CRY1: variants seen among roughly 807,000 people sequenced by gnomAD.
CRY1 encodes cryptochrome circadian regulator 1.
A neutral mutation model predicts 76.0 loss-of-function variants in CRY1; 45 were observed. That is an observed-to-expected ratio of 0.59 (90% CI 0.47 to 0.76). The LOEUF (loss-of-function observed/expected upper bound fraction) is 0.76, where lower values mean the gene tolerates loss of function less well. Among genes scored for constraint, CRY1 ranks in the 30% least tolerant of loss-of-function variants. The pLI, the probability that CRY1 is intolerant of heterozygous loss-of-function variation, is 0.00. For synonymous variants in CRY1, 248 were observed against 244.0 expected, an observed-to-expected ratio of 1.02 and a Z score of -0.15; for missense variants, 587 against 716.4, an observed-to-expected ratio of 0.82 and a Z score of 2.06.
intron 1 of CRY1, among the ~76,000 whole-genome samples, chr12:107,052,500 A>G (rs1952934904): frequency 6.6e-6 from 1 of 152,224 alleles, no homozygotes; most frequent in South Asian, 2.1e-4. Flanking sequence ...AAGACAGAAT[A>G]ATACAAAAAC....
intron 1 of CRY1, chr12:107,049,915 C>T (rs539519906): frequency 1.3e-5 from 2 of 152,162 alleles, no homozygotes; most frequent in East Asian, 3.9e-4. Context: ...GGAATTTAAG[C>T]TAGACATCTG....
chr12:107,022,803 G>A lies in CRY1; in HGVS notation c.159-611C>T, dbSNP rs142876027. ...CTAATAAGTAGATGCCAAATTATGT[G>A]GTTATTAATTCCCTGAGTGTAGAAA... On this transcript the variant is annotated intron_variant, in intron 1 of 12. Transcript: ENST00000008527. Among the ~76,000 whole-genome samples the A allele has an allele frequency of 1.9e-3, 285 of 150,776 alleles. 4 individuals are homozygous for A. Among genetic ancestry groups the A allele is most frequent in the African/African-American group, 6.7e-3 (276 of 41,044 alleles).
chr12:107,027,508 C>T (rs1952629769), intron 1 of CRY1, among the ~76,000 whole-genome samples: 2 of 152,104 alleles, frequency 1.3e-5, no homozygotes, highest in Admixed American at 1.3e-4. Flanking sequence ...GTACTGCCTA[C>T]ATAGAAGCAC....
chr12:107,082,530 A>T (rs780997769), intron 1 of CRY1, among the ~76,000 whole-genome samples: 1 of 152,238 alleles, frequency 6.6e-6, no homozygotes, highest in Non-Finnish European at 1.5e-5. Context: ...CGAATTCAGG[A>T]TTAAGAAACT....
At position 107,004,331 on chromosome 12, in the gene CRY1, T is replaced by C. The variant is rs558650715; in HGVS notation, c.410+775A>G. ...AAATGTGAAATCAAATCAACTAGTT[T>C]GTCATGTTACAGAATTTGTTTTACT... On this transcript the variant is annotated intron_variant, in intron 3 of 12. Coordinates refer to ENST00000008527, the MANE Select transcript of CRY1 (RefSeq NM_004075.5). 5.9e-5 allele frequency among the ~76,000 whole-genome samples: 9 copies of C among 152,306 alleles called. No homozygotes were observed. The East Asian group carries it at 1.7e-3, about 29-fold the overall frequency.
intron 1 of CRY1, among the ~76,000 whole-genome samples, chr12:107,032,747 TA>T (rs1156294298): frequency 6.6e-6 from 1 of 152,224 alleles, no homozygotes. Context: ...AAGTCAAGGC[TA>T]CAGTGAGCTG....
intron 1 of CRY1, among the ~76,000 whole-genome samples, chr12:107,066,934 C>A (rs1052549252): frequency 6.6e-6 from 1 of 151,670 alleles, no homozygotes; most frequent in Non-Finnish European, 1.5e-5. Flanking sequence ...TGAGTAGCTG[C>A]GACTACAAGC....
intron 2 of CRY1, 37 bp from the exon 3 acceptor site, chr12:107,005,285 G>C (rs1952360235): frequency 1.9e-6 from 3 of 1,543,562 alleles, no homozygotes; most frequent in Non-Finnish European, 2.6e-6. Flanking sequence ...TACACCAATT[G>C]TAATAGTTAT....
intron 1 of CRY1, among the ~76,000 whole-genome samples, chr12:107,023,016 C>T (rs1228255371): frequency 6.6e-6 from 1 of 152,024 alleles, no homozygotes; most frequent in Non-Finnish European, 1.5e-5. Flanking sequence ...TGGAACATTC[C>T]CAAGAACAAA....
At chr12:107,084,402 G>C (rs1248773274) in intron 1 of CRY1, among the ~76,000 whole-genome samples, 1 of 152,100 alleles carries the variant, frequency 6.6e-6, no homozygotes, top group African/African-American at 2.4e-5. Flanking sequence ...GAACAAAGCT[G>C]GAAGCATCAT....
At chr12:107,068,817 G>A (rs1953143562) in intron 1 of CRY1, among the ~76,000 whole-genome samples, 5 of 152,108 alleles carry the variant, frequency 3.3e-5, no homozygotes, top group Admixed American at 3.3e-4. Context: ...TGTTCTGGAT[G>A]TTTCATATAA....
At chr12:107,005,702 T>C (rs1039443088) in intron 2 of CRY1, among the ~76,000 whole-genome samples, 1 of 152,166 alleles carries the variant, frequency 6.6e-6, no homozygotes, top group Non-Finnish European at 1.5e-5. Flanking sequence ...GTCTAAGAAC[T>C]GGTCTTTAAC....
chr12:107,030,299 A>G (rs1164760070), intron 1 of CRY1, among the ~76,000 whole-genome samples: 1 of 152,206 alleles, frequency 6.6e-6, no homozygotes, highest in Non-Finnish European at 1.5e-5. Flanking sequence ...CATTTTAAAA[A>G]TGATGGAATC....
chr12:107,087,820 G>A (rs1953420991), intron 1 of CRY1, among the ~76,000 whole-genome samples: 1 of 152,120 alleles, frequency 6.6e-6, no homozygotes, highest in Admixed American at 6.5e-5. Flanking sequence ...GGCTGAGGCA[G>A]GAGAATTGCT....
At chr12:107,037,650 T>C (rs906717591) in intron 1 of CRY1, among the ~76,000 whole-genome samples, 8 of 152,166 alleles carry the variant, frequency 5.3e-5, no homozygotes, top group Non-Finnish European at 1.2e-4. Context: ...ATTGAAAGCT[T>C]TTGAGCAGAG....
chr12:107,019,619 A>G (rs1952531502), intron 2 of CRY1, among the ~76,000 whole-genome samples: 1 of 152,188 alleles, frequency 6.6e-6, no homozygotes, highest in Non-Finnish European at 1.5e-5. Context: ...AAACAAGTAA[A>G]TAAGAATTTT....
At chr12:107,073,714 T>G (rs1380456665) in intron 1 of CRY1, among the ~76,000 whole-genome samples, 1 of 152,048 alleles carries the variant, frequency 6.6e-6, no homozygotes, top group Non-Finnish European at 1.5e-5. Flanking sequence ...GGGCGACCAA[T>G]TGAGACAGAG....
In CRY1 at chr12:107,021,151, C is replaced by T. The variant is rs763767384; in HGVS notation, c.267+933G>A. ...GTACAAAATTAGCCAGGCATGGTGG[C>T]GTGCGCCAGTAATCCCAGCTACTCA... On this transcript the variant is annotated intron_variant, in intron 2 of 12. Coordinates refer to ENST00000008527, the MANE Select transcript of CRY1 (RefSeq NM_004075.5). Among the ~76,000 whole-genome samples the T allele has an allele frequency of 3.4e-4, 51 of 152,224 alleles. 1 individual carries two copies. The highest frequency in any genetic ancestry group is 6.8e-3 in the Middle Eastern group (2 of 294).
intron 1 of CRY1, among the ~76,000 whole-genome samples, chr12:107,068,156 TGA>T (rs1188388990): frequency 6.6e-6 from 1 of 152,112 alleles, no homozygotes; most frequent in South Asian, 2.1e-4. Flanking sequence ...GGTGGGTAGC[TGA>T]GAGAGAGATC....
Sources: allele counts gnomAD v4.1 joint callset (sites outside exome capture counted in the v4.1 genomes callset), GRCh38; gene constraint gnomAD v4.1.1; transcripts MANE v1.5; gene names NCBI Gene and HGNC (gene_info 2026-07-23, HGNC 2026-07-21).